TENM2: variants seen among roughly 807,000 people sequenced by gnomAD.
TENM2 encodes teneurin transmembrane protein 2, also known as teneurin-2.
In TENM2, 52 loss-of-function variants were observed where a neutral mutation model predicts 245.2. That is an observed-to-expected ratio of 0.21 (90% CI 0.17 to 0.27). The LOEUF is 0.27. Among genes scored for constraint, TENM2 ranks in the 10% least tolerant of loss-of-function variants. The probability of loss-of-function intolerance (pLI) is 1.00; values close to 1 mark genes in which losing one functional copy is unlikely to be tolerated. For synonymous variants in TENM2, 1,363 were observed against 1,438.9 expected, an observed-to-expected ratio of 0.95 and a Z score of 1.19; for missense variants, 3,046 against 3,666.8, an observed-to-expected ratio of 0.83 and a Z score of 4.37.
At chr5:167,115,574 C>T in the TENM2 span, among the ~76,000 whole-genome samples, 8 of 152,300 alleles carry the variant, frequency 5.3e-5, no homozygotes, top group South Asian at 1.7e-3. Context: ...TTGAAATTCA[C>T]CTCCTCAAAA....
At chr5:167,033,153 A>G in the TENM2 span, among the ~76,000 whole-genome samples, 1 of 152,224 alleles carries the variant, frequency 6.6e-6, no homozygotes, top group Non-Finnish European at 1.5e-5. Context: ...GACAAGATGC[A>G]GGTTAGTAAT....
chr5:167,169,350 G>T, the TENM2 span, among the ~76,000 whole-genome samples: 1 of 152,128 alleles, frequency 6.6e-6, no homozygotes, highest in Admixed American at 6.5e-5. Context: ...TCCATGTAAA[G>T]GTTGTGCTTC....
At chr5:167,852,534 G>A (rs746615009) in intron 2 of TENM2, among the ~76,000 whole-genome samples, 31 of 152,082 alleles carry the variant, frequency 2.0e-4, no homozygotes, top group Non-Finnish European at 3.1e-4. Flanking sequence ...AAGAAGAAAC[G>A]GCCATCAGAT....
exon 1 of TENM2, chr5:167,284,972 T>A: frequency 6.4e-7 from 1 of 1,551,898 alleles, no homozygotes; most frequent in Non-Finnish European, 8.7e-7. Context: ...CCAGTGAGAC[T>A]CTGAAGGCCT....
chr5:167,640,829 A>T (rs1331833718), intron 2 of TENM2, among the ~76,000 whole-genome samples: 1 of 124,394 alleles, frequency 8.0e-6, no homozygotes, highest in Non-Finnish European at 1.7e-5. Context: ...ATAGAAATAG[A>T]AATATATATA....
At chr5:167,375,724 C>A (rs1760709342) in intron 2 of TENM2, among the ~76,000 whole-genome samples, 1 of 152,152 alleles carries the variant, frequency 6.6e-6, no homozygotes, top group African/African-American at 2.4e-5. Context: ...GTCTTATTAG[C>A]AAGTAAATTA....
intron 2 of TENM2, among the ~76,000 whole-genome samples, chr5:167,431,970 T>TGTGTATATATATACATATATATAC (rs1554150945): frequency 7.4e-6 from 1 of 135,530 alleles, no homozygotes; most frequent in Non-Finnish European, 1.6e-5. Flanking sequence ...TGTATATATA[T>TGTGTATATATATACATATATATAC]ATATATATGG....
At chr5:167,802,494 G>A (rs1765856838) in intron 2 of TENM2, among the ~76,000 whole-genome samples, 1 of 152,082 alleles carries the variant, frequency 6.6e-6, no homozygotes, top group African/African-American at 2.4e-5. Context: ...ATTTATTTTG[G>A]TCACATTTCT....
At chr5:167,685,497 A>T (rs181742849) in intron 2 of TENM2, among the ~76,000 whole-genome samples, 4 of 152,058 alleles carry the variant, frequency 2.6e-5, no homozygotes, top group African/African-American at 4.8e-5. Flanking sequence ...GTGATCTTTC[A>T]CATGCTGTGG....
the TENM2 span, among the ~76,000 whole-genome samples, chr5:167,205,080 T>G: frequency 6.6e-6 from 1 of 152,208 alleles, no homozygotes; most frequent in African/African-American, 2.4e-5. Context: ...GGGGACTCTT[T>G]CCATTGAATA....
the TENM2 span, among the ~76,000 whole-genome samples, chr5:167,208,744 A>C: frequency 6.6e-6 from 1 of 152,290 alleles, no homozygotes; most frequent in Non-Finnish European, 1.5e-5. Flanking sequence ...TTTTTGTTTT[A>C]CTGTGCTTGG....
At position 167,285,209 on chromosome 5, in the gene TENM2, T is replaced by C. The variant is rs572661407; in HGVS notation, c.226+146T>C. ...CCCTTGGTTCCATAAAGGACATTCC[T>C]AACAACATGGTGAATCTCTATCCTG... On this transcript the variant is annotated intron_variant, in intron 1 of 28. Coordinates refer to ENST00000518659, the Ensembl canonical transcript of TENM2. 2.5e-5 allele frequency: 16 copies of C among 634,836 alleles called. No homozygotes were observed. The South Asian group carries it at 2.9e-4, about 12-fold the overall frequency. The allele number at this position is 634,836 out of a possible 1,614,324, so 39.3% of individuals were successfully genotyped here.
intron 2 of TENM2, among the ~76,000 whole-genome samples, chr5:167,841,376 C>T (rs535081823): frequency 1.3e-5 from 2 of 152,098 alleles, no homozygotes. Flanking sequence ...ATTTTTGTAA[C>T]TTTAACATTT....
chr5:167,355,524 C>T lies in TENM2; in HGVS notation c.227-19674C>T, dbSNP rs569262543. On this transcript the variant is annotated intron_variant, in intron 1 of 28. Coordinates refer to ENST00000518659, the Ensembl canonical transcript of TENM2. ...TGAGAGCACAGGAATTAATGAGGCT[C>T]CTAACCCCTTGTGACACAGGAATAG... Among the ~76,000 whole-genome samples, 15 of 152,276 alleles carry T rather than the reference C, an allele frequency of 9.9e-5. No individual in the cohort carries two copies. The East Asian group carries it at 2.3e-3, about 24-fold the overall frequency.
At chr5:167,196,486 GTATA>G in the TENM2 span, among the ~76,000 whole-genome samples, 1 of 144,182 alleles carries the variant, frequency 6.9e-6, no homozygotes, top group South Asian at 2.1e-4. Flanking sequence ...ATATATGTGT[GTATA>G]TATATATGTG....
At chr5:167,239,085 A>T in the TENM2 span, among the ~76,000 whole-genome samples, 1 of 152,250 alleles carries the variant, frequency 6.6e-6, no homozygotes. Flanking sequence ...AAACAACAAT[A>T]AGATTCACTT....
intron 1 of TENM2, among the ~76,000 whole-genome samples, chr5:167,341,518 A>C (rs1170181783): frequency 1.3e-5 from 2 of 151,384 alleles, no homozygotes; most frequent in Non-Finnish European, 2.9e-5. Context: ...TTTTTCTCTG[A>C]GTATTTCAGT....
At chr5:167,571,348 A>G (rs751975068) in intron 2 of TENM2, among the ~76,000 whole-genome samples, 5 of 152,226 alleles carry the variant, frequency 3.3e-5, no homozygotes, top group Non-Finnish European at 7.3e-5. Context: ...TAGGCAGGGT[A>G]ACCTGGTTCC....
intron 16 of TENM2, among the ~76,000 whole-genome samples, chr5:168,199,466 T>A (rs1352850343): frequency 2.0e-5 from 3 of 152,224 alleles, no homozygotes; most frequent in African/African-American, 4.8e-5. Context: ...GAGGGCATAT[T>A]ACATTATTGC....
Sources: gnomAD v4.1 joint callset for allele counts (sites outside exome capture counted in the v4.1 genomes callset) on GRCh38, gnomAD v4.1.1 for gene constraint, MANE v1.5 for transcripts, NCBI Gene and HGNC (gene_info 2026-07-23, HGNC 2026-07-21) for gene names.